ST3GAL6: variants seen among roughly 807,000 people sequenced by gnomAD.
ST3GAL6 encodes ST3 beta-galactoside alpha-2,3-sialyltransferase 6, also known as type 2 lactosamine alpha-2,3-sialyltransferase.
A neutral mutation model predicts 40.5 loss-of-function variants in ST3GAL6; 31 were observed. The ratio of observed to expected loss-of-function variants is 0.77; its 90% confidence interval spans 0.58 to 1.03. The LOEUF (loss-of-function observed/expected upper bound fraction) is 1.03, where lower values mean the gene tolerates loss of function less well. Ranked by LOEUF, ST3GAL6 falls within the 50% of genes least tolerant of loss-of-function variation. The pLI is 0.00. For synonymous variants in ST3GAL6, 129 were observed against 136.9 expected (o/e 0.94, Z 0.40); for missense variants, 357 against 393.2 (o/e 0.91, Z 0.78).
In ST3GAL6 at chr3:98,772,805, C is replaced by T; in HGVS notation, c.168-8C>T. ...TTGGCAAAATCATTCTTTATCCTTT[C>T]CTTCCAGGTTTCATCAGTTTCACCC... On this transcript the variant is annotated splice_region_variant and splice_polypyrimidine_tract_variant and intron_variant, in intron 3 of 9. Coordinates refer to ENST00000483910, the MANE Select transcript of ST3GAL6 (RefSeq NM_001323368.2). 1.2e-6 allele frequency: 2 copies of T among 1,604,622 alleles called. No homozygotes were observed. The highest frequency in any genetic ancestry group is 1.7e-6 in the Non-Finnish European group (2 of 1,172,318).
chr3:98,748,490 G>A (rs1388973439), intron 1 of ST3GAL6, among the ~76,000 whole-genome samples: 4 of 152,116 alleles, frequency 2.6e-5, no homozygotes, highest in Non-Finnish European at 5.9e-5. Flanking sequence ...TTTTGAGACA[G>A]AGTCTTGCTC....
chr3:98,741,182 G>A (rs1223056198), intron 1 of ST3GAL6, among the ~76,000 whole-genome samples: 1 of 151,588 alleles, frequency 6.6e-6, no homozygotes, highest in Non-Finnish European at 1.5e-5. Flanking sequence ...TAGGCTTAAG[G>A]AGCAAAAACC....
At chr3:98,740,163 A>G (rs1335442929) in intron 1 of ST3GAL6, among the ~76,000 whole-genome samples, 5 of 151,570 alleles carry the variant, frequency 3.3e-5, no homozygotes, top group Admixed American at 1.3e-4. Flanking sequence ...CCAAGTAACT[A>G]TAAATATTTT....
intron 5 of ST3GAL6, chr3:98,782,313 C>G: frequency 1.4e-6 from 1 of 703,486 alleles, no homozygotes; most frequent in South Asian, 1.5e-5. Flanking sequence ...GCTGCTATAG[C>G]TAATTGATGT....
chr3:98,748,837 C>T (rs1360059402), intron 1 of ST3GAL6, among the ~76,000 whole-genome samples: 1 of 152,172 alleles, frequency 6.6e-6, no homozygotes, highest in Non-Finnish European at 1.5e-5. Flanking sequence ...CATTTTCATT[C>T]TCACCTCAGA....
chr3:98,732,717 G>GGGGCTGGCGGGAGCCTGAGACTCCGGGCA (rs1935130601), intron 1 of ST3GAL6: 1 of 775,046 alleles, frequency 1.3e-6, no homozygotes, highest in African/African-American at 1.8e-5. Context: ...GCCCGGGATT[G>GGGGCTGGCGGGAGCCTGAGACTCCGGGCA]GGGCTGGCGG....
chr3:98,789,251 T>C (rs1404832848), intron 8 of ST3GAL6, among the ~76,000 whole-genome samples: 1 of 152,174 alleles, frequency 6.6e-6, no homozygotes, highest in Non-Finnish European at 1.5e-5. Flanking sequence ...ATAAGAATTG[T>C]GATTAAGAAA....
chr3:98,751,215 A>T (rs994345302), intron 1 of ST3GAL6, among the ~76,000 whole-genome samples: 5 of 152,106 alleles, frequency 3.3e-5, no homozygotes, highest in African/African-American at 9.7e-5. Context: ...TCCCAGACTG[A>T]ATAATCTTAA....
intron 5 of ST3GAL6, among the ~76,000 whole-genome samples, chr3:98,776,783 C>T (rs1012794060): frequency 7.9e-5 from 12 of 152,190 alleles, no homozygotes; most frequent in African/African-American, 2.9e-4. Context: ...TAGAAAGGGT[C>T]AGATGTTGTT....
intron 5 of ST3GAL6, among the ~76,000 whole-genome samples, chr3:98,781,436 C>A (rs1423195385): frequency 6.6e-6 from 1 of 151,272 alleles, no homozygotes; most frequent in Non-Finnish European, 1.5e-5. Context: ...ATGTAACAAA[C>A]CTGCACGTTC....
intron 1 of ST3GAL6, among the ~76,000 whole-genome samples, chr3:98,742,183 C>T (rs1452096785): frequency 6.6e-6 from 1 of 152,184 alleles, no homozygotes; most frequent in Non-Finnish European, 1.5e-5. Context: ...TTCCCCTCTC[C>T]ACTCCTTTGA....
intron 1 of ST3GAL6, among the ~76,000 whole-genome samples, chr3:98,757,125 A>G (rs1442056499): frequency 6.6e-6 from 1 of 152,208 alleles, no homozygotes; most frequent in Non-Finnish European, 1.5e-5. Flanking sequence ...TAGAGTTCAG[A>G]TGTCTACCAG....
chr3:98,744,817 T>C (rs146477946), intron 1 of ST3GAL6, among the ~76,000 whole-genome samples: 64 of 152,314 alleles, frequency 4.2e-4, no homozygotes, highest in Admixed American at 2.4e-3. Flanking sequence ...TAGTGTGGCA[T>C]GTTGTAAATA....
intron 2 of ST3GAL6, among the ~76,000 whole-genome samples, chr3:98,769,791 G>C (rs778300783): frequency 6.8e-6 from 1 of 148,082 alleles, no homozygotes; most frequent in African/African-American, 2.5e-5. Context: ...TCACCCAAAG[G>C]TTGTCTTCAC....
chr3:98,734,681 C>T (rs1935373778), intron 1 of ST3GAL6, among the ~76,000 whole-genome samples: 1 of 151,984 alleles, frequency 6.6e-6, no homozygotes, highest in Non-Finnish European at 1.5e-5. Flanking sequence ...TGCCCTATAT[C>T]AATAATAATA....
chr3:98,770,739 C>A, intron 2 of ST3GAL6, 140 bp from the exon 3 acceptor site: 1 of 670,216 alleles, frequency 1.5e-6, no homozygotes, highest in South Asian at 1.8e-5. Flanking sequence ...ACTGGCAGAC[C>A]TCAAGAGGTG....
At chr3:98,763,257 A>G, upstream of ST3GAL6, 1 of 1,248,492 alleles carries the variant, frequency 8.0e-7, no homozygotes, top group East Asian at 5.7e-5. Flanking sequence ...TTATAATCAC[A>G]AATTGAGTAA....
At chr3:98,790,244 GA>G (rs1559756794) in intron 8 of ST3GAL6, among the ~76,000 whole-genome samples, 1 of 152,190 alleles carries the variant, frequency 6.6e-6, no homozygotes, top group African/African-American at 2.4e-5. Context: ...CACTGATGAT[GA>G]GGGGAGAAAG....
intron 5 of ST3GAL6, among the ~76,000 whole-genome samples, chr3:98,779,512 A>G (rs1374479441): frequency 1.3e-5 from 2 of 152,252 alleles, no homozygotes; most frequent in Non-Finnish European, 2.9e-5. Context: ...CATGTCAAAA[A>G]GCATTTGTAA....
Sources: gnomAD v4.1 joint callset for allele counts (sites outside exome capture counted in the v4.1 genomes callset) on GRCh38, gnomAD v4.1.1 for gene constraint, MANE v1.5 for transcripts, NCBI Gene and HGNC (gene_info 2026-07-23, HGNC 2026-07-21) for gene names.